The following TRPM7 variants were observed in gnomAD, a reference collection of about 807,000 sequenced individuals.
TRPM7 encodes transient receptor potential cation channel subfamily M member 7, also known as LTRPC ion channel family member 7.
Under a neutral mutation model 229.7 loss-of-function variants are expected in TRPM7, and 134 were observed. That is an observed-to-expected ratio of 0.58 (90% CI 0.51 to 0.67). TRPM7 has a LOEUF of 0.67. Ranked by LOEUF, TRPM7 falls within the 30% of genes least tolerant of loss-of-function variation. The probability of loss-of-function intolerance (pLI) is 0.00; values close to 1 mark genes in which losing one functional copy is unlikely to be tolerated. For missense variants in TRPM7, 1,901 were observed against 2,210.0 expected, an observed-to-expected ratio of 0.86 and a Z score of 2.80; for synonymous variants, 699 against 715.2, an observed-to-expected ratio of 0.98 and a Z score of 0.36.
chr15:50,583,203 T>C, intron 28 of TRPM7, 44 bp from the exon 29 acceptor site: 4 of 1,403,082 alleles, frequency 2.9e-6, no homozygotes, highest in Non-Finnish European at 4.0e-6. Flanking sequence ...ACAACTGAAG[T>C]TTTATGAATA....
chr15:50,659,273 A>AG (rs2061669639), intron 2 of TRPM7, among the ~76,000 whole-genome samples: 1 of 152,144 alleles, frequency 6.6e-6, no homozygotes, highest in African/African-American at 2.4e-5. Flanking sequence ...TATATTTTAA[A>AG]GGGGGAAGGG....
intron 3 of TRPM7, among the ~76,000 whole-genome samples, chr15:50,650,512 T>C (rs1357423240): frequency 6.6e-6 from 1 of 151,844 alleles, no homozygotes; most frequent in African/African-American, 2.4e-5. Context: ...CTGACCAATA[T>C]GGTGAAACTC....
chr15:50,618,399 T>G (rs2060289265), intron 13 of TRPM7, among the ~76,000 whole-genome samples: 1 of 151,820 alleles, frequency 6.6e-6, no homozygotes, highest in African/African-American at 2.4e-5. Flanking sequence ...TGAAACCCCG[T>G]CTCTACTAAA....
intron 21 of TRPM7, among the ~76,000 whole-genome samples, chr15:50,602,837 T>C (rs2059816625): frequency 6.6e-6 from 1 of 152,062 alleles, no homozygotes; most frequent in Non-Finnish European, 1.5e-5. Context: ...ACGGAACAAA[T>C]GACTAGCTGA....
chr15:50,575,001 G>A lies in TRPM7; in HGVS notation c.4870C>T (p.Arg1624Ter), dbSNP rs756579197. The change falls in exon 34 of 39, where the codon CGA (arginine) becomes TGA (stop). Residue 1624 changes from arginine to a stop codon, truncating the protein, a stop_gained. Coordinates refer to ENST00000646667, the MANE Select transcript of TRPM7 (RefSeq NM_017672.6). LOFTEE classifies it high-confidence loss of function. ...GTACACTGTACTTTGACAGCTCTTCGTAAACCTCCTCCCATCTCCTCTTTG... is the reference window on the plus strand; with the variant it reads ...GTACACTGTACTTTGACAGCTCTTCATAAACCTCCTCCCATCTCCTCTTTG... ...LSKEEMGGGL[R>*]RAVKVQCTWS... 6.2e-6 allele frequency: 10 copies of A among 1,614,066 alleles called. No individual in the cohort carries two copies. Among genetic ancestry groups the A allele is most frequent in the Non-Finnish European group, 8.5e-6 (10 of 1,179,984 alleles).
intron 1 of TRPM7, among the ~76,000 whole-genome samples, chr15:50,664,430 A>C (rs1227881188): frequency 6.6e-6 from 1 of 152,174 alleles, no homozygotes; most frequent in African/African-American, 2.4e-5. Flanking sequence ...GAATAAAAAG[A>C]CATAAAGCAA....
At chr15:50,597,919 A>G (rs969561075) in intron 22 of TRPM7, among the ~76,000 whole-genome samples, 3 of 152,056 alleles carry the variant, frequency 2.0e-5, no homozygotes, top group African/African-American at 7.2e-5. Flanking sequence ...ACTCGGTCTC[A>G]AAAAGAAAAA....
intron 38 of TRPM7, among the ~76,000 whole-genome samples, chr15:50,567,174 A>T (rs1013114237): frequency 6.6e-6 from 1 of 151,984 alleles, no homozygotes; most frequent in Non-Finnish European, 1.5e-5. Context: ...TTTTATTTTT[A>T]AAATTATTTT....
At position 50,561,309 on chromosome 15, in the gene TRPM7, C is replaced by G. The variant is rs146121721; in HGVS notation, c.*369G>C. The stretch of plus-strand genomic sequence containing the variant: ...TTTCCCTAGTTGAATGGCAATAAAA[C>G]AGCTGCCAATAAAATCTGCATGGAC... On this transcript the variant is annotated 3_prime_UTR_variant, in exon 39 of 39. Transcript: ENST00000646667. 1 of 167,728 alleles carries G rather than the reference C, an allele frequency of 6.0e-6. No individual in the cohort carries two copies. The highest frequency in any genetic ancestry group is 2.4e-5 in the African/African-American group (1 of 42,180). 10.4% of individuals were successfully genotyped at this position (167,728 alleles called of 1,614,324 possible). A position where few individuals can be genotyped will look rare whatever the true frequency, so the allele number is the denominator to read the frequency against.
At chr15:50,641,084 G>C (rs1036753143) in intron 5 of TRPM7, among the ~76,000 whole-genome samples, 2 of 152,078 alleles carry the variant, frequency 1.3e-5, no homozygotes, top group Admixed American at 6.6e-5. Context: ...TATGAAAATA[G>C]CATCTTCGTA....
At chr15:50,573,933 T>C (rs781352212) in intron 36 of TRPM7, among the ~76,000 whole-genome samples, 3 of 152,022 alleles carry the variant, frequency 2.0e-5, no homozygotes, top group Non-Finnish European at 2.9e-5. Context: ...GGCAGGTGCC[T>C]GTAATCCCAA....
At chr15:50,592,661 GA>G in intron 25 of TRPM7, 35 bp from the exon 26 acceptor site, 1 of 1,358,018 alleles carries the variant, frequency 7.4e-7, no homozygotes, top group Non-Finnish European at 9.9e-7. Context: ...TTACAAATGT[GA>G]AAAAATAATG....
intron 7 of TRPM7, 24 bp downstream of exon 7, chr15:50,637,398 T>C: frequency 6.2e-7 from 1 of 1,604,262 alleles, no homozygotes; most frequent in Non-Finnish European, 8.5e-7. Context: ...ATTTCAACAA[T>C]AACAAATTTG....
chr15:50,634,521 A>G lies in TRPM7; in HGVS notation c.868T>C (p.Phe290Leu). The change falls in exon 8 of 39, where the codon TTT becomes CTT. Residue 290 changes from phenylalanine to leucine, a missense_variant. Phe to Leu is a conservative substitution (Grantham distance 22, BLOSUM62 0). Coordinates refer to ENST00000646667, the MANE Select transcript of TRPM7 (RefSeq NM_017672.6). ...GQGVPVVALI[F>L]EGGPNVILTV... ...AGGATAACATTTGGCCCACCCTCAA[A>G]TATAAGTGCCACCACAGGGACACCC... 6.5e-7 allele frequency: 1 copy of G among 1,531,070 alleles called. No homozygotes were observed. The highest frequency in any genetic ancestry group is 8.7e-7 in the Non-Finnish European group (1 of 1,143,814). 94.8% of individuals were successfully genotyped at this position (1,531,070 alleles called of 1,614,324 possible). A position where few individuals can be genotyped will look rare whatever the true frequency, so the allele number is the denominator to read the frequency against.
intron 1 of TRPM7, 114 bp downstream of exon 1, chr15:50,686,417 G>T: frequency 6.4e-7 from 1 of 1,563,960 alleles, no homozygotes; most frequent in Non-Finnish European, 8.8e-7. Context: ...AAGGCAATTC[G>T]AGGGTCCTTC....
At chr15:50,615,169 A>C (rs1162908425) in intron 13 of TRPM7, among the ~76,000 whole-genome samples, 1 of 31,816 alleles carries the variant, frequency 3.1e-5, no homozygotes, top group Admixed American at 4.3e-4. Flanking sequence ...GTCTCAAAAA[A>C]AAAAAAAAAA....
At position 50,661,443 on chromosome 15, in the gene TRPM7, C is replaced by T. The variant is rs148881189; in HGVS notation, c.83+1524G>A. 1.8e-3 allele frequency among the ~76,000 whole-genome samples: 274 copies of T among 152,206 alleles called. 9 individuals are homozygous for T. The East Asian group carries it at 0.049, about 27-fold the overall frequency. ...ACAGTCTTAATGTATTGAAACTCTA[C>T]GTATTGCTTCAACTTTGTTTCTCAA... On this transcript the variant is annotated intron_variant, in intron 2 of 38. Transcript: ENST00000646667.
At position 50,593,062 on chromosome 15, in the gene TRPM7, G is replaced by A. The variant is rs533904550; in HGVS notation, c.3609-436C>T. ...TCCCAGAACTTTGGGAGGCTGAGGC[G>A]GGCAGATCACGAGGTCAGGAGTTCG... On this transcript the variant is annotated intron_variant, in intron 25 of 38. Coordinates refer to ENST00000646667, the MANE Select transcript of TRPM7 (RefSeq NM_017672.6). Among the ~76,000 whole-genome samples the A allele has an allele frequency of 1.1e-4, 17 of 152,188 alleles. No homozygotes were observed. In the East Asian group the frequency reaches 2.7e-3, roughly 24 times the overall value.
At chr15:50,619,939 C>CA in intron 12 of TRPM7, 141 bp from the exon 13 acceptor site, 1 of 675,704 alleles carries the variant, frequency 1.5e-6, no homozygotes, top group Non-Finnish European at 2.4e-6. Flanking sequence ...AGTAGAACAA[C>CA]AAAGAATTTT....
Sources: allele counts gnomAD v4.1 joint callset (sites outside exome capture counted in the v4.1 genomes callset), GRCh38; gene constraint gnomAD v4.1.1; transcripts MANE v1.5; gene names NCBI Gene and HGNC (gene_info 2026-07-23, HGNC 2026-07-21).